INSYN2B: variants seen among roughly 807,000 people sequenced by gnomAD.
INSYN2B encodes protein INSYN2B.
A neutral mutation model predicts 41.2 loss-of-function variants in INSYN2B; 16 were observed. The observed-to-expected ratio is 0.39, with a 90% CI of 0.26 to 0.59. The LOEUF (loss-of-function observed/expected upper bound fraction) is 0.59. INSYN2B is among the 20% of genes least tolerant of loss of function. The pLI, the probability that INSYN2B is intolerant of heterozygous loss-of-function variation, is 0.57. For missense variants in INSYN2B, 608 were observed against 646.4 expected, an observed-to-expected ratio of 0.94 and a Z score of 0.64; for synonymous variants, 245 against 244.4, an observed-to-expected ratio of 1.00 and a Z score of -0.02.
At chr5:169,939,179 C>T (rs1226290612) in intron 1 of INSYN2B, among the ~76,000 whole-genome samples, 3 of 151,536 alleles carry the variant, frequency 2.0e-5, no homozygotes, top group Non-Finnish European at 4.4e-5. Flanking sequence ...GCTGGGATTA[C>T]AGGCGTGAGC....
chr5:169,937,722 G>T (rs1408725223), intron 1 of INSYN2B, among the ~76,000 whole-genome samples: 1 of 152,056 alleles, frequency 6.6e-6, no homozygotes, highest in African/African-American at 2.4e-5. Context: ...TAACACTTTT[G>T]CCCAGTAGTA....
At chr5:169,946,265 G>GT (rs1363433840) in intron 1 of INSYN2B, among the ~76,000 whole-genome samples, 3 of 152,172 alleles carry the variant, frequency 2.0e-5, no homozygotes, top group Non-Finnish European at 4.4e-5. Flanking sequence ...CAGTGTTCCA[G>GT]CCCCCCACAT....
chr5:169,883,994 T>C lies in INSYN2B; in HGVS notation c.-96A>G, dbSNP rs1008866289. 1.6e-5 allele frequency: 20 copies of C among 1,217,602 alleles called. No homozygotes were observed. The highest frequency in any genetic ancestry group is 3.0e-5 in the African/African-American group (2 of 65,836). The allele number at this position is 1,217,602 out of a possible 1,614,324, so 75.4% of individuals were successfully genotyped here. A position where few individuals can be genotyped will look rare whatever the true frequency, so the allele number is the denominator to read the frequency against. On this transcript the variant is annotated 5_prime_UTR_variant, in exon 2 of 4. It removes an upstream start codon present in the reference 5' UTR. Coordinates refer to ENST00000377365, the MANE Select transcript of INSYN2B (RefSeq NM_001129891.3). Reference sequence around the variant, plus strand: ...GTATCTAATGATAGTATTTCAATCATAGAGAACTGCTGGCCAGGATGGAGT... The same window carrying C: ...GTATCTAATGATAGTATTTCAATCACAGAGAACTGCTGGCCAGGATGGAGT...
At chr5:169,905,745 A>G (rs994338294) in intron 1 of INSYN2B, among the ~76,000 whole-genome samples, 29 of 152,162 alleles carry the variant, frequency 1.9e-4, no homozygotes, top group African/African-American at 4.8e-4. Context: ...AGGAACTGCA[A>G]ACCACCCAGG....
intron 1 of INSYN2B, among the ~76,000 whole-genome samples, chr5:169,939,920 G>A (rs1269095365): frequency 6.6e-6 from 1 of 152,172 alleles, no homozygotes; most frequent in African/African-American, 2.4e-5. Flanking sequence ...CATTTTATAT[G>A]TGGAAAAACA....
chr5:169,958,323 C>T (rs192081004), intron 1 of INSYN2B, among the ~76,000 whole-genome samples: 154 of 152,246 alleles, frequency 1.0e-3, no homozygotes, highest in African/African-American at 3.7e-3. Context: ...CCTTCCTTCT[C>T]CATTCTAAGC....
At chr5:169,953,174 T>C (rs188072586) in intron 1 of INSYN2B, among the ~76,000 whole-genome samples, 1 of 151,884 alleles carries the variant, frequency 6.6e-6, no homozygotes, top group Non-Finnish European at 1.5e-5. Flanking sequence ...ATACAAAAAA[T>C]TAGCTGGGTG....
At position 169,877,436 on chromosome 5, in the gene INSYN2B, T is replaced by C. The variant is rs776767312; in HGVS notation, c.1421+3932A>G. The stretch of plus-strand genomic sequence containing the variant: ...GAGGAATTGGAGTGAAGGGGTTGGA[T>C]TGAGCAGTTGGAATCAGTAGCTTAT... On this transcript the variant is annotated intron_variant, in intron 3 of 3. Coordinates refer to ENST00000377365, the MANE Select transcript of INSYN2B (RefSeq NM_001129891.3). Among the ~76,000 whole-genome samples the C allele has an allele frequency of 3.3e-5, 5 of 152,270 alleles. No individual in the cohort carries two copies. The East Asian group carries it at 7.7e-4, about 24-fold the overall frequency.
rs112923063 is a variant in INSYN2B, at chr5:169,930,193, T to C, written c.-918-45377A>G. ...TTTAGTAGAGATGGGGGTTTCACCA[T>C]GTTGGCTAGGATGGTCTCAATCTCC... is the stretch of plus-strand genomic sequence containing the variant. On this transcript the variant is annotated intron_variant, in intron 1 of 3. Coordinates refer to ENST00000377365, the MANE Select transcript of INSYN2B (RefSeq NM_001129891.3). Among the ~76,000 whole-genome samples, 580 of 152,256 alleles carry C rather than the reference T, an allele frequency of 3.8e-3. 4 individuals are homozygous for C. Among genetic ancestry groups the C allele is most frequent in the African/African-American group, 0.013 (558 of 41,542 alleles).
At chr5:169,977,000 G>A (rs185741437) in intron 1 of INSYN2B, among the ~76,000 whole-genome samples, 1 of 152,338 alleles carries the variant, frequency 6.6e-6, no homozygotes, top group East Asian at 1.9e-4. Flanking sequence ...TGCACAGCAG[G>A]ATGTCCTGGG....
At chr5:169,965,829 T>G (rs895785116) in intron 1 of INSYN2B, among the ~76,000 whole-genome samples, 1 of 152,190 alleles carries the variant, frequency 6.6e-6, no homozygotes, top group Admixed American at 6.5e-5. Context: ...CCCAAAATCA[T>G]TTAACTCATT....
intron 1 of INSYN2B, among the ~76,000 whole-genome samples, chr5:169,935,993 C>T (rs1246486445): frequency 3.3e-5 from 5 of 152,130 alleles, no homozygotes; most frequent in African/African-American, 4.8e-5. Flanking sequence ...AGGAAGTTAA[C>T]ATAAATTTTT....
intron 1 of INSYN2B, among the ~76,000 whole-genome samples, chr5:169,916,695 A>G (rs2113637500): frequency 6.6e-6 from 1 of 152,072 alleles, no homozygotes; most frequent in East Asian, 1.9e-4. Flanking sequence ...GAGACTTTTT[A>G]ATAACAACAG....
chr5:169,972,582 TAGA>T (rs750735017), intron 1 of INSYN2B, among the ~76,000 whole-genome samples: 1 of 61,506 alleles, frequency 1.6e-5, no homozygotes, highest in African/African-American at 6.8e-5. Context: ...GATAGATAGA[TAGA>T]TGATAGATAG....
At chr5:169,957,112 A>G (rs1304631529) in intron 1 of INSYN2B, among the ~76,000 whole-genome samples, 2 of 152,124 alleles carry the variant, frequency 1.3e-5, no homozygotes, top group South Asian at 2.1e-4. Flanking sequence ...CAGTAATAAG[A>G]CTGTCAGTGC....
intron 1 of INSYN2B, among the ~76,000 whole-genome samples, chr5:169,920,715 G>A (rs184527149): frequency 4.6e-5 from 7 of 152,274 alleles, no homozygotes; most frequent in East Asian, 3.9e-4. Flanking sequence ...GCTCATTCCC[G>A]TCTCCCGTCT....
intron 1 of INSYN2B, among the ~76,000 whole-genome samples, chr5:169,938,225 CTT>C (rs573891252): frequency 2.6e-4 from 37 of 143,190 alleles, no homozygotes; most frequent in Admixed American, 2.8e-4. Flanking sequence ...TTTCTTTCTT[CTT>C]TTTTTTTTTT....
chr5:169,902,302 C>T (rs575417172), intron 1 of INSYN2B, among the ~76,000 whole-genome samples: 48 of 152,322 alleles, frequency 3.2e-4, no homozygotes, highest in South Asian at 2.7e-3. Context: ...TGACTGTGGA[C>T]GAGGCCATCT....
chr5:169,875,278 A>G (rs1016454669), intron 3 of INSYN2B: 19 of 456,580 alleles, frequency 4.2e-5, no homozygotes, highest in African/African-American at 3.0e-4. Flanking sequence ...TCTCTGATTC[A>G]GTGGCTTTGG....
Sources: allele counts gnomAD v4.1 joint callset (sites outside exome capture counted in the v4.1 genomes callset), GRCh38; gene constraint gnomAD v4.1.1; transcripts MANE v1.5; gene names NCBI Gene and HGNC (gene_info 2026-07-23, HGNC 2026-07-21).